The following SEMA3C variants were observed in gnomAD, a reference collection of about 807,000 sequenced individuals.
SEMA3C encodes the protein semaphorin 3C, also known as semaphorin-3C.
A neutral mutation model predicts 89.4 loss-of-function variants in SEMA3C; 47 were observed. That is an observed-to-expected ratio of 0.53 (90% CI 0.42 to 0.67). SEMA3C has a LOEUF of 0.67. Ranked by LOEUF, SEMA3C falls within the 30% of genes least tolerant of loss-of-function variation. The probability of loss-of-function intolerance (pLI) is 0.00; values close to 1 mark genes in which losing one functional copy is unlikely to be tolerated. For missense variants in SEMA3C, 839 were observed against 929.1 expected, an observed-to-expected ratio of 0.90 and a Z score of 1.26; for synonymous variants, 310 against 320.2, an observed-to-expected ratio of 0.97 and a Z score of 0.34.
chr7:80,844,333 T>C (rs76301805), intron 2 of SEMA3C, among the ~76,000 whole-genome samples: 5,084 of 152,310 alleles, frequency 0.033, 108 homozygotes, highest in South Asian at 0.056. Context: ...AATGATTATA[T>C]TGAATCAAAC....
chr7:80,772,328 T>G (rs1286964894), intron 12 of SEMA3C, among the ~76,000 whole-genome samples: 1 of 152,218 alleles, frequency 6.6e-6, no homozygotes, highest in Non-Finnish European at 1.5e-5. Context: ...TATAAAATCT[T>G]TATTAGTTCA....
chr7:80,782,845 G>A (rs1026790749), intron 12 of SEMA3C, among the ~76,000 whole-genome samples: 2 of 152,070 alleles, frequency 1.3e-5, no homozygotes, highest in Non-Finnish European at 2.9e-5. Context: ...AGGGTTGGAT[G>A]AAATAATTTA....
intron 10 of SEMA3C, among the ~76,000 whole-genome samples, chr7:80,800,026 G>A (rs749380250): frequency 1.3e-5 from 2 of 151,112 alleles, no homozygotes; most frequent in Non-Finnish European, 1.5e-5. Flanking sequence ...GGTGGCGGGC[G>A]CCTGTAGTCC....
At chr7:80,914,181 AAT>A (rs1284219901) in intron 2 of SEMA3C, among the ~76,000 whole-genome samples, 1 of 152,224 alleles carries the variant, frequency 6.6e-6, no homozygotes, top group Non-Finnish European at 1.5e-5. Flanking sequence ...GGAAAACAGT[AAT>A]AGAACTTTAG....
chr7:80,774,261 A>G (rs905654340), intron 12 of SEMA3C, among the ~76,000 whole-genome samples: 22 of 152,216 alleles, frequency 1.4e-4, no homozygotes, highest in African/African-American at 4.8e-4. Context: ...ACAGAACTCA[A>G]GCCCAGGGCA....
intron 1 of SEMA3C, 81 bp from the exon 2 acceptor site, chr7:80,916,900 C>T (rs949659563): frequency 6.1e-6 from 7 of 1,139,864 alleles, no homozygotes; most frequent in Non-Finnish European, 8.6e-6. Context: ...AGACAAAACA[C>T]CCTATTCACA....
At position 80,859,415 on chromosome 7, in the gene SEMA3C, A is replaced by G. The variant is rs376128626; in HGVS notation, c.104-30670T>C. Among the ~76,000 whole-genome samples, 5 of 152,214 alleles carry G rather than the reference A, an allele frequency of 3.3e-5. No individual in the cohort carries two copies. The East Asian group carries it at 7.8e-4, about 24-fold the overall frequency. On this transcript the variant is annotated intron_variant, in intron 2 of 17. Coordinates refer to ENST00000265361, the MANE Select transcript of SEMA3C (RefSeq NM_006379.5). ...ACCCGATGAGCTCCCTAGAGAGGATACCTGTTCTGCTCTATCATTTTCAAG... is the reference window on the plus strand; with the variant it reads ...ACCCGATGAGCTCCCTAGAGAGGATGCCTGTTCTGCTCTATCATTTTCAAG...
At chr7:80,750,855 C>A (rs1369942805) in intron 16 of SEMA3C, among the ~76,000 whole-genome samples, 1 of 151,936 alleles carries the variant, frequency 6.6e-6, no homozygotes, top group Admixed American at 6.6e-5. Context: ...CTTAATGCCA[C>A]AGAACTGTAA....
At chr7:80,831,138 A>G (rs1287601570) in intron 2 of SEMA3C, among the ~76,000 whole-genome samples, 1 of 152,194 alleles carries the variant, frequency 6.6e-6, no homozygotes, top group Admixed American at 6.5e-5. Flanking sequence ...ATACCTCTTA[A>G]TAAATAATTG....
chr7:80,799,782 A>C (rs936420201), intron 10 of SEMA3C, among the ~76,000 whole-genome samples: 1 of 151,644 alleles, frequency 6.6e-6, no homozygotes, highest in Non-Finnish European at 1.5e-5. Context: ...TGAATCCAGG[A>C]GGCGGAGGTT....
intron 2 of SEMA3C, among the ~76,000 whole-genome samples, chr7:80,893,935 T>C (rs775561490): frequency 6.6e-6 from 1 of 152,226 alleles, no homozygotes; most frequent in Non-Finnish European, 1.5e-5. Flanking sequence ...TGCTGTATCA[T>C]GAATGAAAGG....
intron 4 of SEMA3C, among the ~76,000 whole-genome samples, chr7:80,822,743 C>A (rs1037487139): frequency 2.0e-5 from 3 of 152,134 alleles, no homozygotes; most frequent in Admixed American, 2.0e-4. Flanking sequence ...TAATACTTGT[C>A]ATGGACAATA....
chr7:80,764,101 A>G (rs1314589647), intron 13 of SEMA3C, among the ~76,000 whole-genome samples: 3 of 152,136 alleles, frequency 2.0e-5, no homozygotes, highest in Admixed American at 6.6e-5. Context: ...CTACCCACTT[A>G]CGTGCTTATA....
At chr7:80,751,109 C>T (rs1464313313) in intron 16 of SEMA3C, among the ~76,000 whole-genome samples, 160 bp downstream of exon 16, 3 of 152,046 alleles carry the variant, frequency 2.0e-5, no homozygotes, top group Non-Finnish European at 4.4e-5. Flanking sequence ...ATACAAAAAG[C>T]CTTTAAGTTT....
intron 2 of SEMA3C, among the ~76,000 whole-genome samples, chr7:80,906,951 T>G (rs901388944): frequency 1.3e-5 from 2 of 152,164 alleles, no homozygotes; most frequent in African/African-American, 4.8e-5. Context: ...TCAATATAAT[T>G]AAATGAATAA....
At chr7:80,823,081 A>G (rs933844352) in intron 4 of SEMA3C, among the ~76,000 whole-genome samples, 10 of 152,368 alleles carry the variant, frequency 6.6e-5, no homozygotes, top group African/African-American at 2.4e-4. Flanking sequence ...AGCATATAAT[A>G]AAATTCTATT....
intron 2 of SEMA3C, among the ~76,000 whole-genome samples, chr7:80,900,116 T>C (rs1363985867): frequency 6.9e-6 from 1 of 144,156 alleles, no homozygotes; most frequent in East Asian, 2.1e-4. Context: ...ATTTAGTATG[T>C]TTTTTTTTTT....
At chr7:80,917,442 T>C (rs1261742937) in intron 1 of SEMA3C, among the ~76,000 whole-genome samples, 1 of 152,220 alleles carries the variant, frequency 6.6e-6, no homozygotes, top group Non-Finnish European at 1.5e-5. Context: ...AACCATGGAC[T>C]AGTGCCAAAT....
intron 16 of SEMA3C, among the ~76,000 whole-genome samples, chr7:80,750,473 T>TATATATATATATACACAC (rs869227686): frequency 1.8e-5 from 1 of 55,458 alleles, no homozygotes; most frequent in Non-Finnish European, 3.5e-5. Flanking sequence ...TATATATATA[T>TATATATATATATACACAC]ACACACACAC....
Sources: allele counts gnomAD v4.1 joint callset (sites outside exome capture counted in the v4.1 genomes callset), GRCh38; gene constraint gnomAD v4.1.1; transcripts MANE v1.5; gene names NCBI Gene and HGNC (gene_info 2026-07-23, HGNC 2026-07-21).